The following PHTF2 variants were observed in gnomAD, a reference collection of about 807,000 sequenced individuals.
PHTF2 encodes the protein putative homeodomain transcription factor 2, also known as protein PHTF2.
In PHTF2, 60 loss-of-function variants were observed where a neutral mutation model predicts 101.2. The observed-to-expected ratio is 0.59, with a 90% confidence interval of 0.48 to 0.73. The LOEUF (loss-of-function observed/expected upper bound fraction) is 0.73, where lower values mean the gene tolerates loss of function less well. PHTF2 is among the 30% of genes least tolerant of loss of function. PHTF2 has a pLI of 0.00. For synonymous variants in PHTF2, 311 were observed against 307.3 expected, an observed-to-expected ratio of 1.01 and a Z score of -0.13; for missense variants, 747 against 908.7, an observed-to-expected ratio of 0.82 and a Z score of 2.29.
intron 9 of PHTF2, 107 bp downstream of exon 8, chr7:77,910,516 A>G (rs1244922276): frequency 2.7e-6 from 2 of 750,266 alleles, no homozygotes; most frequent in South Asian, 2.1e-5. Flanking sequence ...TGACAGCCTC[A>G]TTATGGATTT....
At chr7:77,922,897 A>G in intron 11 of PHTF2, 119 bp downstream of exon 10, 1 of 1,287,362 alleles carries the variant, frequency 7.8e-7, no homozygotes. Flanking sequence ...ATCAATATTT[A>G]TTATTGTTGT....
At chr7:77,814,300 TCAA>T (rs1793671087) in intron 1 of PHTF2, among the ~76,000 whole-genome samples, 1 of 152,208 alleles carries the variant, frequency 6.6e-6, no homozygotes, top group Non-Finnish European at 1.5e-5. Context: ...TCATCAGTGA[TCAA>T]TACATAACCT....
exon 11 of PHTF2, chr7:77,922,770 C>A: frequency 1.9e-6 from 3 of 1,588,348 alleles, no homozygotes; most frequent in South Asian, 1.1e-5. Context: ...GAAACATTAC[C>A]CTAATGAGGT....
intron 16 of PHTF2, among the ~76,000 whole-genome samples, chr7:77,947,376 C>G (rs538790239): frequency 6.6e-6 from 1 of 151,914 alleles, no homozygotes; most frequent in African/African-American, 2.4e-5. Flanking sequence ...AGCCTGGCCA[C>G]CATGGCAAAA....
At chr7:77,955,276 C>A (rs1806924076) in exon 20 of PHTF2, 1 of 154,568 alleles carries the variant, frequency 6.5e-6, no homozygotes, top group Non-Finnish European at 1.4e-5. Context: ...TGGAATATTG[C>A]ATTGAACTCA....
chr7:77,949,913 T>C (rs1806391401), intron 17 of PHTF2, 80 bp downstream of exon 16: 1 of 784,122 alleles, frequency 1.3e-6, no homozygotes, highest in Non-Finnish European at 1.9e-6. Context: ...TTTTCAAGAA[T>C]GTGTTCTATT....
chr7:77,820,365 G>T (rs1794185584), intron 1 of PHTF2, among the ~76,000 whole-genome samples: 2 of 151,952 alleles, frequency 1.3e-5, no homozygotes, highest in Admixed American at 6.6e-5. Flanking sequence ...ATTCTGTTTT[G>T]TTTTTTTAGA....
At chr7:77,927,805 C>G (rs1187651913) in intron 11 of PHTF2, among the ~76,000 whole-genome samples, 1 of 152,102 alleles carries the variant, frequency 6.6e-6, no homozygotes, top group Non-Finnish European at 1.5e-5. Flanking sequence ...ATAATCAAAG[C>G]AAAGAACAAG....
At chr7:77,875,390 G>A (rs1798841985) in intron 3 of PHTF2, among the ~76,000 whole-genome samples, 1 of 151,938 alleles carries the variant, frequency 6.6e-6, no homozygotes, top group Non-Finnish European at 1.5e-5. Context: ...AAAGAAAACA[G>A]TCATCTTCTT....
intron 3 of PHTF2, among the ~76,000 whole-genome samples, chr7:77,870,050 C>T (rs957438774): frequency 6.6e-6 from 1 of 152,054 alleles, no homozygotes; most frequent in Non-Finnish European, 1.5e-5. Flanking sequence ...TCTCTTCACT[C>T]TGTTGTTTTC....
intron 16 of PHTF2, among the ~76,000 whole-genome samples, chr7:77,947,183 A>G (rs1276125332): frequency 3.3e-5 from 5 of 150,040 alleles, no homozygotes; most frequent in Non-Finnish European, 7.4e-5. Flanking sequence ...ACAACAACAA[A>G]AGATTCCCGA....
chr7:77,854,859 T>A (rs1312214709), intron 3 of PHTF2: 1 of 751,840 alleles, frequency 1.3e-6, no homozygotes, highest in Admixed American at 1.7e-5. Context: ...GCCTGTTCTC[T>A]CTGTTCAGGG....
At chr7:77,923,773 T>G (rs1270246269) in intron 11 of PHTF2, 3 of 984,576 alleles carry the variant, frequency 3.0e-6, no homozygotes, top group African/African-American at 1.7e-5. Context: ...GAGGGCTGTT[T>G]GACCCCTCTC....
intron 16 of PHTF2, 128 bp downstream of exon 15, chr7:77,942,914 G>GT (rs1805747246): frequency 3.9e-6 from 2 of 513,912 alleles, no homozygotes; most frequent in Non-Finnish European, 6.7e-6. Context: ...CCTTTTTGCA[G>GT]TTTTTTTGGT....
chr7:77,839,556 T>C (rs1026314333), intron 1 of PHTF2, among the ~76,000 whole-genome samples: 1 of 152,218 alleles, frequency 6.6e-6, no homozygotes, highest in Non-Finnish European at 1.5e-5. Flanking sequence ...AAATAAACTT[T>C]TAGGGACTGT....
At chr7:77,929,473 T>A in intron 12 of PHTF2, 146 bp downstream of exon 11, 2 of 578,468 alleles carry the variant, frequency 3.5e-6, no homozygotes, top group Non-Finnish European at 6.1e-6. Flanking sequence ...GTGGTCTGGC[T>A]TCATCAAAAC....
At chr7:77,940,999 A>C (rs373266958) in intron 15 of PHTF2, among the ~76,000 whole-genome samples, 8 of 152,216 alleles carry the variant, frequency 5.3e-5, no homozygotes, top group African/African-American at 1.9e-4. Context: ...AGTATGATAT[A>C]AAAACTCTGG....
intron 1 of PHTF2, among the ~76,000 whole-genome samples, chr7:77,833,898 CTAATT>C (rs901864480): frequency 6.6e-6 from 1 of 151,982 alleles, no homozygotes; most frequent in Non-Finnish European, 1.5e-5. Flanking sequence ...ATATGTAACA[CTAATT>C]TAAGTAGTAA....
intron 9 of PHTF2, among the ~76,000 whole-genome samples, chr7:77,917,454 C>G (rs974064865): frequency 1.2e-4 from 19 of 152,332 alleles, no homozygotes; most frequent in Admixed American, 5.2e-4. Flanking sequence ...TTTACAATTA[C>G]ATTTATTTCT....
Sources: gnomAD v4.1 joint callset for allele counts (sites outside exome capture counted in the v4.1 genomes callset) on GRCh38, gnomAD v4.1.1 for gene constraint, MANE v1.5 for transcripts, NCBI Gene and HGNC (gene_info 2026-07-23, HGNC 2026-07-21) for gene names.